ATP9B: variants seen among roughly 807,000 people sequenced by gnomAD.
The protein encoded by ATP9B is ATPase phospholipid transporting 9B.
ATP9B carries 110 observed loss-of-function variants against 146.1 expected under a neutral mutation model. That is an observed-to-expected ratio of 0.75 (90% CI 0.65 to 0.88). The LOEUF (loss-of-function observed/expected upper bound fraction) is 0.88, where lower values mean the gene tolerates loss of function less well. ATP9B is among the 40% of genes least tolerant of loss of function. The pLI, the probability that ATP9B is intolerant of heterozygous loss-of-function variation, is 0.00. For missense variants in ATP9B, 1,499 were observed against 1,496.4 expected, an observed-to-expected ratio of 1.00 and a Z score of -0.03; for synonymous variants, 604 against 569.7, an observed-to-expected ratio of 1.06 and a Z score of -0.86.
At chr18:79,221,233 C>T (rs894316788) in intron 11 of ATP9B, among the ~76,000 whole-genome samples, 1 of 152,134 alleles carries the variant, frequency 6.6e-6, no homozygotes. Context: ...TCACCACCTC[C>T]ACCACCGACT....
chr18:79,118,185 GT>G (rs1484324986), intron 4 of ATP9B, among the ~76,000 whole-genome samples: 8 of 151,776 alleles, frequency 5.3e-5, no homozygotes, highest in Non-Finnish European at 1.2e-4. Flanking sequence ...CATAAGCATT[GT>G]TATAATGAAC....
chr18:79,352,911 C>A (rs1199005825), intron 25 of ATP9B: 1 of 152,256 alleles, frequency 6.6e-6, no homozygotes, highest in Non-Finnish European at 1.5e-5. Flanking sequence ...GAGTAAAATA[C>A]TTTCAGTACA....
intron 22 of ATP9B, 63 bp from the exon 23 acceptor site, chr18:79,345,712 G>A: frequency 1.2e-6 from 2 of 1,607,634 alleles, no homozygotes; most frequent in Non-Finnish European, 1.7e-6. Context: ...GCTTCTGATG[G>A]TAAAAATGAA....
chr18:79,245,340 A>G (rs2144806133), intron 11 of ATP9B, among the ~76,000 whole-genome samples: 2 of 152,356 alleles, frequency 1.3e-5, no homozygotes, highest in Middle Eastern at 3.4e-3. Context: ...GTTAGTGGGT[A>G]GCTTACGTTA....
intron 12 of ATP9B, among the ~76,000 whole-genome samples, chr18:79,271,865 A>G (rs1484807566): frequency 6.7e-6 from 1 of 149,374 alleles, no homozygotes; most frequent in Non-Finnish European, 1.5e-5. Flanking sequence ...ACAGTGTAAA[A>G]GTGTTCCTAT....
At chr18:79,362,634 G>T (rs1032011792) in intron 26 of ATP9B, 5 of 152,292 alleles carry the variant, frequency 3.3e-5, no homozygotes, top group Admixed American at 2.6e-4. Context: ...ATTCTGAATG[G>T]TGTGTAACCG....
chr18:79,186,005 T>C (rs373504275), intron 8 of ATP9B, among the ~76,000 whole-genome samples: 1 of 151,150 alleles, frequency 6.6e-6, no homozygotes, highest in Non-Finnish European at 1.5e-5. Context: ...TAATGGCAGG[T>C]GCAGTTTCTT....
At chr18:79,376,388 C>CTTTTTTTTTTTT (rs773403288) in intron 29 of ATP9B, 1 of 844,906 alleles carries the variant, frequency 1.2e-6, no homozygotes. Context: ...CATCTGCAAC[C>CTTTTTTTTTTTT]ATTTTTTTTT....
chr18:79,126,920 C>T (rs2094296680), intron 5 of ATP9B, among the ~76,000 whole-genome samples: 1 of 152,116 alleles, frequency 6.6e-6, no homozygotes, highest in Non-Finnish European at 1.5e-5. Context: ...TTTGATTTTT[C>T]AGTCCATAGT....
At chr18:79,143,971 A>G in intron 6 of ATP9B, 111 bp downstream of exon 6, 1 of 599,400 alleles carries the variant, frequency 1.7e-6, no homozygotes, top group South Asian at 3.8e-5. Flanking sequence ...ATTTTGAATC[A>G]TAATATCCTT....
At chr18:79,134,572 G>C (rs2094425287) in intron 5 of ATP9B, among the ~76,000 whole-genome samples, 1 of 152,204 alleles carries the variant, frequency 6.6e-6, no homozygotes, top group Non-Finnish European at 1.5e-5. Flanking sequence ...CTAAGGCCAG[G>C]GGGCTGCCCT....
intron 1 of ATP9B, 47 bp downstream of exon 1, chr18:79,069,576 G>A: frequency 8.3e-7 from 1 of 1,207,666 alleles, no homozygotes; most frequent in Non-Finnish European, 1.1e-6. Context: ...GCTCCCCGGG[G>A]CCCCCAGCCC....
chr18:79,329,208 A>C lies in ATP9B; in HGVS notation c.1841A>C (p.Gln614Pro). The C allele has an allele frequency of 6.2e-7, 1 of 1,612,746 alleles. No homozygotes were observed. The highest frequency in any genetic ancestry group is 2.2e-5 in the East Asian group (1 of 44,856). The part of the protein sequence containing the change: ...TLVSRDLTSM[Q>P]LKTPSGQVLS... ...GTCAGCAGGGACCTCACCTCCATGC[A>C]GCTGAAGACCCCCAGTGGCCAGGTC... The change falls in exon 16 of 30, where the codon CAG (glutamine) becomes CCG (proline). Residue 614 changes from glutamine (Q) to proline (P), a missense_variant. By Grantham distance (76) the Gln-to-Pro change is moderately conservative. Coordinates refer to ENST00000426216, the MANE Select transcript of ATP9B (RefSeq NM_198531.5).
chr18:79,204,156 A>G (rs1016208431), intron 9 of ATP9B, among the ~76,000 whole-genome samples: 1 of 152,250 alleles, frequency 6.6e-6, no homozygotes, highest in Non-Finnish European at 1.5e-5. Context: ...AGTTATAAAC[A>G]AAGTAAACAA....
intron 29 of ATP9B, chr18:79,376,388 CA>C (rs372332168): frequency 0.02 from 17,313 of 863,842 alleles, 9 homozygotes; most frequent in South Asian, 0.036. Flanking sequence ...CATCTGCAAC[CA>C]TTTTTTTTTT....
At chr18:79,230,828 T>C (rs1335791109) in intron 11 of ATP9B, among the ~76,000 whole-genome samples, 1 of 152,032 alleles carries the variant, frequency 6.6e-6, no homozygotes, top group African/African-American at 2.4e-5. Context: ...TATAGACCAA[T>C]GGAACAGAAT....
At chr18:79,097,853 T>TGCACA in intron 2 of ATP9B, among the ~76,000 whole-genome samples, 1 of 149,498 alleles carries the variant, frequency 6.7e-6, no homozygotes. Flanking sequence ...GCATGTGTCT[T>TGCACA]TATAGCAGCA....
chr18:79,374,367 G>A (rs1486206238), intron 28 of ATP9B: 3 of 154,398 alleles, frequency 1.9e-5, no homozygotes, highest in South Asian at 4.4e-5. Context: ...GAGCCCCGTC[G>A]GTCACTGGCT....
intron 11 of ATP9B, among the ~76,000 whole-genome samples, chr18:79,224,406 A>T (rs1438893229): frequency 6.6e-6 from 1 of 152,172 alleles, no homozygotes; most frequent in Non-Finnish European, 1.5e-5. Context: ...TGGGGTGGAA[A>T]GCAAGTGGGC....
Sources: gnomAD v4.1 joint callset for allele counts (sites outside exome capture counted in the v4.1 genomes callset) on GRCh38, gnomAD v4.1.1 for gene constraint, MANE v1.5 for transcripts, NCBI Gene and HGNC (gene_info 2026-07-23, HGNC 2026-07-21) for gene names.